The following UBR2 variants were observed in gnomAD, a reference collection of about 807,000 sequenced individuals.
The protein encoded by UBR2 is ubiquitin protein ligase E3 component n-recognin 2.
UBR2 carries 92 observed loss-of-function variants against 247.9 expected under a neutral mutation model. The ratio of observed to expected loss-of-function variants is 0.37; its 90% CI spans 0.31 to 0.44. The LOEUF (loss-of-function observed/expected upper bound fraction) is 0.44, where lower values mean the gene tolerates loss of function less well. Among genes scored for constraint, UBR2 ranks in the 20% least tolerant of loss-of-function variants. The pLI, the probability that UBR2 is intolerant of heterozygous loss-of-function variation, is 1.00. For missense variants in UBR2, 1,613 were observed against 2,112.6 expected (o/e 0.76, Z 4.64); for synonymous variants, 672 against 693.5 (o/e 0.97, Z 0.49).
chr6:42,661,285 TA>T (rs61010445), intron 30 of UBR2, among the ~76,000 whole-genome samples: 2,486 of 144,556 alleles, frequency 0.017, 56 homozygotes, highest in African/African-American at 0.057. Flanking sequence ...GAGACTGTCT[TA>T]AAAAAAAAAA....
Position 42,650,374 on chromosome 6 carries a change from A to G in UBR2, c.2553A>G (p.Ala851=). The G allele has an allele frequency of 6.2e-7, 1 of 1,613,408 alleles. No homozygotes were observed. Among genetic ancestry groups the G allele is most frequent in the African/African-American group, 1.3e-5 (1 of 75,042 alleles). Residue 851 remains alanine (A), a synonymous_variant, in exon 23 of 47, where the codon GCA becomes GCG. Coordinates refer to ENST00000372901, the MANE Select transcript of UBR2 (RefSeq NM_001363705.2). ...TGTATTTCTATCACTTTTCAAGGGC[A>G]GAACAGTCCAAGGTAATTGGGAAAA... The part of the protein sequence containing the change: ...FNLYFYHFSR[A]EQSKAEEAQR...
At chr6:42,670,381 T>A in intron 35 of UBR2, 141 bp downstream of exon 35, 1 of 1,104,272 alleles carries the variant, frequency 9.1e-7, no homozygotes, top group Non-Finnish European at 1.3e-6. Context: ...GCAAGAAATG[T>A]AATGTACTGA....
chr6:42,638,750 T>A (rs1426827001), intron 15 of UBR2, among the ~76,000 whole-genome samples: 1 of 150,928 alleles, frequency 6.6e-6, no homozygotes, highest in East Asian at 1.9e-4. Flanking sequence ...GCACGTGCCC[T>A]TAAAAAAAAA....
intron 5 of UBR2, among the ~76,000 whole-genome samples, 162 bp downstream of exon 5, chr6:42,603,880 T>G (rs1793536595): frequency 6.6e-6 from 1 of 152,174 alleles, no homozygotes; most frequent in Non-Finnish European, 1.5e-5. Context: ...GGTGGAGATT[T>G]CTTCCTGTTT....
intron 36 of UBR2, among the ~76,000 whole-genome samples, chr6:42,671,966 A>G (rs1376903315): frequency 2.6e-5 from 4 of 152,274 alleles, no homozygotes; most frequent in African/African-American, 9.6e-5. Context: ...AATCCAAATT[A>G]ATTTTTCTTC....
chr6:42,608,599 T>G (rs1266724872), intron 7 of UBR2, among the ~76,000 whole-genome samples: 1 of 152,138 alleles, frequency 6.6e-6, no homozygotes, highest in African/African-American at 2.4e-5. Flanking sequence ...GAGTACACTC[T>G]AGCCTGGGTG....
At chr6:42,575,088 T>C (rs1286141563) in intron 2 of UBR2, among the ~76,000 whole-genome samples, 2 of 152,228 alleles carry the variant, frequency 1.3e-5, no homozygotes, top group Non-Finnish European at 2.9e-5. Flanking sequence ...ATGTTACATA[T>C]ACTGAGCTAA....
chr6:42,682,970 C>T (rs1248172146), intron 42 of UBR2, 85 bp from the exon 43 acceptor site: 4 of 1,104,730 alleles, frequency 3.6e-6, no homozygotes, highest in East Asian at 2.5e-5. Context: ...TATTATTTTC[C>T]TCTTATTGGC....
chr6:42,651,408 C>T (rs1048457149), intron 23 of UBR2, among the ~76,000 whole-genome samples: 1 of 151,582 alleles, frequency 6.6e-6, no homozygotes, highest in African/African-American at 2.4e-5. Flanking sequence ...TAATAGAGAA[C>T]TCGTTTGGAG....
At chr6:42,688,622 C>T (rs1799581401) in intron 45 of UBR2, among the ~76,000 whole-genome samples, 1 of 152,186 alleles carries the variant, frequency 6.6e-6, no homozygotes, top group Non-Finnish European at 1.5e-5. Flanking sequence ...GGTGACAGTT[C>T]TGTTCTACTT....
At position 42,679,771 on chromosome 6, in the gene UBR2, C is replaced by T. The variant is rs1798923157; in HGVS notation, c.4657C>T (p.Pro1553Ser). Residue 1553 changes from proline (P) to serine (S), a missense_variant, in exon 42 of 47, where the codon CCA (proline) becomes TCA (serine). Physicochemically the swap from Pro to Ser is moderately conservative, Grantham distance 74 (BLOSUM62 -1). Around this residue, in one of 3 missense-constraint regions of UBR2, gnomAD observed 1,524 missense variants for 1,967.3 expected, o/e 0.77. Transcript: ENST00000372901. The stretch of plus-strand genomic sequence containing the variant: ...ACATTTATGTAGCTATCTTTCCCTA[C>T]CAAACAACCTCATTTGCCTTTTTCA... ...FEHLCSYLSL[P>S]NNLICLFQEN... 4 of 1,613,424 alleles carry T rather than the reference C, an allele frequency of 2.5e-6. No homozygotes were observed. Among genetic ancestry groups the T allele is most frequent in the Admixed American group, 3.3e-5 (2 of 59,922 alleles).
chr6:42,575,554 TG>T (rs1791449297), intron 2 of UBR2, among the ~76,000 whole-genome samples: 1 of 152,236 alleles, frequency 6.6e-6, no homozygotes, highest in African/African-American at 2.4e-5. Flanking sequence ...TCAATTTTTC[TG>T]TGACTTTCAT....
At chr6:42,611,589 G>T (rs1164724631) in intron 7 of UBR2, among the ~76,000 whole-genome samples, 1 of 151,958 alleles carries the variant, frequency 6.6e-6, no homozygotes, top group Non-Finnish European at 1.5e-5. Flanking sequence ...TGGTACAGCA[G>T]ATTTTCAAAT....
chr6:42,568,788 A>G (rs975292494), intron 1 of UBR2, among the ~76,000 whole-genome samples: 1 of 152,178 alleles, frequency 6.6e-6, no homozygotes, highest in Admixed American at 6.5e-5. Context: ...CAGGTTGAGT[A>G]TTGTTACGCT....
chr6:42,619,431 ATATATATATATATATATATATAT>A, intron 11 of UBR2: 1 of 17,170 alleles, frequency 5.8e-5, no homozygotes. Context: ...ATATATATAT[ATATATATATATATATATATATAT>A]TTTTTTTTTT....
chr6:42,691,136 A>T lies in UBR2; in HGVS notation c.5231A>T (p.Asn1744Ile). ...GAAATTGGACATGCACAGGAAGCCAATCAGACACTGGTTGGCATTGACTGG... is the reference window on the plus strand; with the variant it reads ...GAAATTGGACATGCACAGGAAGCCATTCAGACACTGGTTGGCATTGACTGG... ...TEEIGHAQEA[N>I]QTLVGIDWQH... is the part of the protein sequence containing the mutation. The change falls in exon 47 of 47, where the codon AAT (asparagine) becomes ATT (isoleucine). Residue 1744 changes from asparagine to isoleucine, a missense_variant. Coordinates refer to ENST00000372901, the MANE Select transcript of UBR2 (RefSeq NM_001363705.2). The T allele has an allele frequency of 6.2e-7, 1 of 1,614,218 alleles. No homozygotes were observed. The highest frequency in any genetic ancestry group is 8.5e-7 in the Non-Finnish European group (1 of 1,180,044).
At chr6:42,641,489 A>G (rs1196743750) in intron 16 of UBR2, 93 bp from the exon 17 acceptor site, 2 of 792,676 alleles carry the variant, frequency 2.5e-6, no homozygotes, top group Non-Finnish European at 4.0e-6. Context: ...GTTTTATAAA[A>G]GCATTTATCT....
chr6:42,680,584 T>C (rs1720042431), intron 42 of UBR2, among the ~76,000 whole-genome samples: 1 of 152,172 alleles, frequency 6.6e-6, no homozygotes, highest in African/African-American at 2.4e-5. Flanking sequence ...CAGCTTTTCA[T>C]AGATTTTTAA....
intron 11 of UBR2, among the ~76,000 whole-genome samples, chr6:42,626,653 C>G (rs1440680599): frequency 6.6e-6 from 1 of 152,192 alleles, no homozygotes; most frequent in South Asian, 2.1e-4. Context: ...TCTGCTTCAT[C>G]CCCACCCCTG....
Sources: allele counts gnomAD v4.1 joint callset (sites outside exome capture counted in the v4.1 genomes callset), GRCh38; gene constraint gnomAD v4.1.1; regional missense constraint gnomAD v4.1.1; transcripts MANE v1.5; gene names NCBI Gene and HGNC (gene_info 2026-07-23, HGNC 2026-07-21).